Variants in PMEPA1 observed in about 807,000 individuals in gnomAD.
PMEPA1 encodes the protein prostate transmembrane protein, androgen induced 1.
Under a neutral mutation model 23.0 loss-of-function variants are expected in PMEPA1, and 11 were observed. The ratio of observed to expected loss-of-function variants is 0.48; its 90% confidence interval spans 0.30 to 0.79. PMEPA1 has a LOEUF of 0.79. Ranked by LOEUF, PMEPA1 falls within the 30% of genes least tolerant of loss-of-function variation. The probability of loss-of-function intolerance (pLI) is 0.06; values close to 1 mark genes in which losing one functional copy is unlikely to be tolerated. For missense variants in PMEPA1, 377 were observed against 390.9 expected (o/e 0.96, Z 0.30); for synonymous variants, 204 against 166.4 (o/e 1.23, Z -1.74).
chr20:57,660,549 C>T (rs972969797), intron 1 of PMEPA1, among the ~76,000 whole-genome samples: 2 of 145,202 alleles, frequency 1.4e-5, no homozygotes, highest in African/African-American at 5.3e-5. Context: ...CACTCCTACA[C>T]ACACGTCAAC....
chr20:57,652,763 G>T lies in PMEPA1; in HGVS notation c.319-165C>A, dbSNP rs1197619699. The stretch of plus-strand genomic sequence containing the variant: ...GAGCCCAGAGCCTGATCCCGCGGGG[G>T]CCCTGGCCTGGGGGGCAGCACTGCA... On this transcript the variant is annotated intron_variant, in intron 3 of 3. Coordinates refer to ENST00000341744, the MANE Select transcript of PMEPA1 (RefSeq NM_020182.5). The surrounding 1 kb of genome is among the most constrained non-coding windows in gnomAD (Gnocchi z 6.1). Among the ~76,000 whole-genome samples the T allele has an allele frequency of 1.3e-5, 2 of 152,178 alleles. No individual in the cohort carries two copies. Among genetic ancestry groups the T allele is most frequent in the African/African-American group, 4.8e-5 (2 of 41,444 alleles).
intron 1 of PMEPA1, among the ~76,000 whole-genome samples, chr20:57,686,114 A>G (rs1264117279): frequency 6.6e-6 from 1 of 152,072 alleles, no homozygotes; most frequent in African/African-American, 2.4e-5. Flanking sequence ...AGCATCCAGG[A>G]GCTCCCAGAG....
chr20:57,708,732 C>G (rs898723761), intron 1 of PMEPA1, among the ~76,000 whole-genome samples: 1 of 152,118 alleles, frequency 6.6e-6, no homozygotes, highest in Non-Finnish European at 1.5e-5. Flanking sequence ...CCAGACGGGC[C>G]AGAGCTGAGC....
Position 57,683,936 on chromosome 20 carries a change from T to A in PMEPA1, c.110-24239A>T, listed in dbSNP as rs2071763355. Among the ~76,000 whole-genome samples, 1 of 152,022 alleles carries A rather than the reference T, an allele frequency of 6.6e-6. No individual in the cohort carries two copies. Among genetic ancestry groups the A allele is most frequent in the Admixed American group, 6.6e-5 (1 of 15,260 alleles). On this transcript the variant is annotated intron_variant, in intron 1 of 3. Coordinates refer to ENST00000341744, the MANE Select transcript of PMEPA1 (RefSeq NM_020182.5). This position sits in a 1 kb window ranked among gnomAD's most constrained non-coding sequence, Gnocchi z 4.3. ...GGGCTGTCTGTTTTGGGGGTAGAAATAAAAAGATCTGGCCAAGAAACCTGG... is the reference window on the plus strand; with the variant it reads ...GGGCTGTCTGTTTTGGGGGTAGAAAAAAAAAGATCTGGCCAAGAAACCTGG...
intron 1 of PMEPA1, among the ~76,000 whole-genome samples, chr20:57,680,908 G>C (rs1416890266): frequency 6.6e-6 from 1 of 152,226 alleles, no homozygotes; most frequent in Non-Finnish European, 1.5e-5. Flanking sequence ...AAGTGGCGGA[G>C]AGCAGTCTGC....
chr20:57,698,194 CTA>C (rs2071966862), intron 1 of PMEPA1, among the ~76,000 whole-genome samples: 3 of 152,178 alleles, frequency 2.0e-5, no homozygotes, highest in African/African-American at 7.2e-5. Context: ...GAGCTGCGAT[CTA>C]TCCTAACGAT....
intron 1 of PMEPA1, among the ~76,000 whole-genome samples, chr20:57,671,880 T>G (rs1328876385): frequency 6.6e-6 from 1 of 152,216 alleles, no homozygotes; most frequent in East Asian, 1.9e-4. Flanking sequence ...ACGCCCCCTG[T>G]GGGGCAAGTC....
At chr20:57,657,222 C>T (rs2071338615) in intron 2 of PMEPA1, among the ~76,000 whole-genome samples, 1 of 152,308 alleles carries the variant, frequency 6.6e-6, no homozygotes, top group Middle Eastern at 3.4e-3. Context: ...TAGCTTCAAC[C>T]CACTGTGGAG....
chr20:57,672,164 T>A (rs1027668758), intron 1 of PMEPA1, among the ~76,000 whole-genome samples: 5 of 152,266 alleles, frequency 3.3e-5, no homozygotes, highest in African/African-American at 1.2e-4. Context: ...TCTAATTTTT[T>A]AAATCTTAAT....
intron 1 of PMEPA1, among the ~76,000 whole-genome samples, chr20:57,705,731 G>A (rs1600678426): frequency 2.0e-5 from 3 of 152,350 alleles, no homozygotes; most frequent in Admixed American, 2.0e-4. Flanking sequence ...CCCCTTAGGA[G>A]AAACCACTAA....
At chr20:57,668,937 G>T (rs2071530317) in intron 1 of PMEPA1, among the ~76,000 whole-genome samples, 1 of 152,040 alleles carries the variant, frequency 6.6e-6, no homozygotes, top group African/African-American at 2.4e-5. Context: ...CCAGCCTCCA[G>T]GACCCCCATC....
At chr20:57,690,587 G>C (rs2071868058) in intron 1 of PMEPA1, 1 of 1,245,218 alleles carries the variant, frequency 8.0e-7, no homozygotes, top group Non-Finnish European at 1.0e-6. Context: ...GGCGGGTGTA[G>C]AGGGTCATGT....
chr20:57,662,773 C>T (rs756032124), intron 1 of PMEPA1, among the ~76,000 whole-genome samples: 13 of 152,142 alleles, frequency 8.5e-5, no homozygotes, highest in Non-Finnish European at 1.6e-4. Context: ...CCCAGTTCCC[C>T]CTTCCCCAGC....
intron 1 of PMEPA1, among the ~76,000 whole-genome samples, chr20:57,664,633 C>G (rs1437904390): frequency 6.6e-6 from 1 of 152,216 alleles, no homozygotes; most frequent in East Asian, 1.9e-4. Flanking sequence ...GAGCCGGACT[C>G]TCAGGATCAG....
intron 1 of PMEPA1, among the ~76,000 whole-genome samples, chr20:57,693,153 G>A (rs1054934553): frequency 7.2e-5 from 11 of 152,144 alleles, no homozygotes; most frequent in Admixed American, 5.2e-4. Context: ...CCTACCCCAC[G>A]CCTCCCAGGG....
chr20:57,709,369 G>C, intron 1 of PMEPA1, 105 bp downstream of exon 1: 1 of 829,374 alleles, frequency 1.2e-6, no homozygotes, highest in Non-Finnish European at 1.5e-6. Context: ...CAGGGCGTTC[G>C]GTCCGAGGGG....
intron 1 of PMEPA1, among the ~76,000 whole-genome samples, chr20:57,687,927 G>T (rs2071822747): frequency 2.6e-5 from 4 of 151,890 alleles, no homozygotes. Context: ...TCCCTGTCCA[G>T]GGAAGTAAGT....
At position 57,675,240 on chromosome 20, in the gene PMEPA1, G is replaced by A. The variant is rs146727048; in HGVS notation, c.110-15543C>T. Among the ~76,000 whole-genome samples, 116 of 148,710 alleles carry A rather than the reference G, an allele frequency of 7.8e-4. 1 individual carries two copies. Among genetic ancestry groups the A allele is most frequent in the East Asian group, 7.1e-3 (36 of 5,062 alleles). On this transcript the variant is annotated intron_variant, in intron 1 of 3. Transcript: ENST00000341744. ...TCCCTGTGCCTGGGACACAGAGCCC[G>A]GTGCTGTGATATCTGTTCTCACTAG...
intron 1 of PMEPA1, among the ~76,000 whole-genome samples, chr20:57,665,827 G>A (rs374213629): frequency 5.3e-5 from 8 of 152,202 alleles, no homozygotes; most frequent in South Asian, 4.1e-4. Context: ...GCTAACATGC[G>A]CTGGATCCCA....
Sources: gnomAD v4.1 joint callset for allele counts (sites outside exome capture counted in the v4.1 genomes callset) on GRCh38, gnomAD v4.1.1 for gene constraint, Gnocchi (gnomAD v3.1) non-coding constraint, MANE v1.5 for transcripts, NCBI Gene and HGNC (gene_info 2026-07-23, HGNC 2026-07-21) for gene names.